The following CCDC91 variants were observed in gnomAD, a reference collection of about 807,000 sequenced individuals.
CCDC91 encodes coiled-coil domain containing 91.
In CCDC91, 48 loss-of-function variants were observed where a neutral mutation model predicts 63.2. That is an observed-to-expected ratio of 0.76 (90% CI 0.60 to 0.97). The LOEUF (loss-of-function observed/expected upper bound fraction) is 0.97. CCDC91 is among the 50% of genes least tolerant of loss of function. The pLI, the probability that CCDC91 is intolerant of heterozygous loss-of-function variation, is 0.00. For missense variants in CCDC91, 500 were observed against 494.6 expected, an observed-to-expected ratio of 1.01 and a Z score of -0.10; for synonymous variants, 167 against 165.8, an observed-to-expected ratio of 1.01 and a Z score of -0.06.
At chr12:28,544,814 CAA>C (rs1942871874) in intron 12 of CCDC91, among the ~76,000 whole-genome samples, 1 of 151,930 alleles carries the variant, frequency 6.6e-6, no homozygotes, top group South Asian at 2.1e-4. Context: ...AAGCTAAGGT[CAA>C]GAGATGTTTT....
chr12:28,478,555 A>G (rs922500263), intron 11 of CCDC91, among the ~76,000 whole-genome samples: 1 of 152,214 alleles, frequency 6.6e-6, no homozygotes, highest in Non-Finnish European at 1.5e-5. Context: ...GGCATGGGCA[A>G]GGACTTCATA....
intron 11 of CCDC91, among the ~76,000 whole-genome samples, chr12:28,461,759 A>C (rs1566011320): frequency 6.6e-6 from 1 of 152,086 alleles, no homozygotes; most frequent in African/African-American, 2.4e-5. Context: ...TTGTTGGGTC[A>C]CAGAATCTTC....
intron 12 of CCDC91, among the ~76,000 whole-genome samples, chr12:28,533,004 C>T (rs1233727978): frequency 2.0e-5 from 3 of 152,022 alleles, no homozygotes; most frequent in Admixed American, 6.6e-5. Flanking sequence ...TAGTAGCATT[C>T]GTTCATTCAG....
At chr12:28,367,394 A>C (rs1296531836) in intron 7 of CCDC91, among the ~76,000 whole-genome samples, 1 of 152,222 alleles carries the variant, frequency 6.6e-6, no homozygotes, top group Non-Finnish European at 1.5e-5. Flanking sequence ...TGGAGAAATA[A>C]GGAAAGAATC....
intron 6 of CCDC91, among the ~76,000 whole-genome samples, chr12:28,315,200 T>C (rs1216804849): frequency 1.3e-5 from 2 of 151,782 alleles, no homozygotes; most frequent in African/African-American, 2.4e-5. Context: ...AGTTTCGCTC[T>C]TGTTGCCTAG....
intron 1 of CCDC91, among the ~76,000 whole-genome samples, chr12:28,193,542 A>G (rs914767439): frequency 4.6e-5 from 7 of 152,008 alleles, no homozygotes; most frequent in Non-Finnish European, 7.4e-5. Context: ...CGGAGGTTAC[A>G]GTGAGCTAAG....
chr12:28,258,516 C>G (rs1205531219), intron 2 of CCDC91, among the ~76,000 whole-genome samples: 1 of 151,970 alleles, frequency 6.6e-6, no homozygotes, highest in Non-Finnish European at 1.5e-5. Context: ...ACCAGTGTTA[C>G]AATTTAATTG....
intron 3 of CCDC91, among the ~76,000 whole-genome samples, chr12:28,276,458 A>T (rs1449996364): frequency 1.3e-5 from 2 of 152,010 alleles, no homozygotes; most frequent in African/African-American, 4.8e-5. Context: ...TCTTTCTCTT[A>T]ATGGGAAGGA....
intron 8 of CCDC91, among the ~76,000 whole-genome samples, chr12:28,438,056 A>T (rs904782617): frequency 6.6e-6 from 1 of 152,164 alleles, no homozygotes; most frequent in Non-Finnish European, 1.5e-5. Flanking sequence ...AAGGATGTTT[A>T]TGACACTTAA....
chr12:28,219,752 C>T (rs1351915660), intron 1 of CCDC91, among the ~76,000 whole-genome samples: 5 of 152,164 alleles, frequency 3.3e-5, no homozygotes, highest in East Asian at 1.9e-4. Flanking sequence ...GGATTACAGG[C>T]GTGAGCCACT....
intron 3 of CCDC91, among the ~76,000 whole-genome samples, chr12:28,285,839 A>T (rs1948882916): frequency 6.6e-6 from 1 of 151,912 alleles, no homozygotes; most frequent in East Asian, 1.9e-4. Flanking sequence ...GAGACTTTGC[A>T]TATCTATGTT....
At chr12:28,508,906 C>T (rs1939052332) in intron 12 of CCDC91, among the ~76,000 whole-genome samples, 1 of 151,912 alleles carries the variant, frequency 6.6e-6, no homozygotes, top group Non-Finnish European at 1.5e-5. Flanking sequence ...TATTGATATA[C>T]AGTGTATTCT....
intron 12 of CCDC91, among the ~76,000 whole-genome samples, chr12:28,511,459 A>G (rs1436230935): frequency 6.6e-6 from 1 of 151,846 alleles, no homozygotes; most frequent in Non-Finnish European, 1.5e-5. Context: ...TTTTTTTCCT[A>G]GCACTTATCA....
intron 1 of CCDC91, among the ~76,000 whole-genome samples, chr12:28,245,549 CAT>C (rs1414672139): frequency 1.3e-5 from 2 of 152,100 alleles, no homozygotes; most frequent in African/African-American, 4.8e-5. Context: ...AGTGGAAACA[CAT>C]GTTATAAACT....
intron 1 of CCDC91, among the ~76,000 whole-genome samples, chr12:28,220,439 A>G (rs1467343757): frequency 1.3e-5 from 2 of 152,038 alleles, no homozygotes; most frequent in Non-Finnish European, 1.5e-5. Context: ...TACATATTCT[A>G]TAAAGCCAAC....
At chr12:28,528,864 G>A (rs770200147) in intron 12 of CCDC91, among the ~76,000 whole-genome samples, 12 of 151,840 alleles carry the variant, frequency 7.9e-5, no homozygotes, top group Non-Finnish European at 8.8e-5. Flanking sequence ...TCTATCAATC[G>A]GAAACTAGTT....
intron 11 of CCDC91, among the ~76,000 whole-genome samples, chr12:28,472,801 T>G (rs574739691): frequency 6.6e-6 from 1 of 152,354 alleles, no homozygotes; most frequent in African/African-American, 2.4e-5. Context: ...GCAGATTAAT[T>G]ACTTCCAGTT....
At chr12:28,311,406 C>T (rs1187271787) in intron 6 of CCDC91, among the ~76,000 whole-genome samples, 4 of 151,964 alleles carry the variant, frequency 2.6e-5, no homozygotes, top group Admixed American at 6.6e-5. Context: ...GATAGAAGTC[C>T]TAAAACTGTC....
chr12:28,512,882 T>C (rs1369669290), intron 12 of CCDC91, among the ~76,000 whole-genome samples: 1 of 151,924 alleles, frequency 6.6e-6, no homozygotes, highest in Non-Finnish European at 1.5e-5. Flanking sequence ...AGAGAACTGA[T>C]TAGTTAAGTA....
Sources: allele counts gnomAD v4.1 joint callset (sites outside exome capture counted in the v4.1 genomes callset), GRCh38; gene constraint gnomAD v4.1.1; transcripts MANE v1.5; gene names NCBI Gene and HGNC (gene_info 2026-07-23, HGNC 2026-07-21).